Variants in FAM81A observed in about 807,000 individuals in gnomAD.
FAM81A encodes the protein protein FAM81A.
Under a neutral mutation model 46.7 loss-of-function variants are expected in FAM81A, and 19 were observed. That is an observed-to-expected ratio of 0.41 (90% CI 0.28 to 0.60). FAM81A has a LOEUF of 0.60. FAM81A is among the 20% of genes least tolerant of loss of function. FAM81A has a pLI of 0.34. For synonymous variants in FAM81A, 183 were observed against 152.9 expected, an observed-to-expected ratio of 1.20 and a Z score of -1.45; for missense variants, 377 against 453.5, an observed-to-expected ratio of 0.83 and a Z score of 1.53.
At chr15:59,462,713 C>G (rs181897123) in intron 3 of FAM81A, among the ~76,000 whole-genome samples, 94 of 152,270 alleles carry the variant, frequency 6.2e-4, no homozygotes, top group African/African-American at 2.1e-3. Flanking sequence ...TATTTTCTGT[C>G]CTTATGAATT....
At chr15:59,447,851 T>C (rs1278403196) in intron 1 of FAM81A, among the ~76,000 whole-genome samples, 17 of 152,028 alleles carry the variant, frequency 1.1e-4, no homozygotes, top group Non-Finnish European at 2.1e-4. Context: ...CATCTAGGCA[T>C]GAAGGGAGGA....
At chr15:59,430,359 G>C (rs1596467245) in intron 2 of FAM81A, among the ~76,000 whole-genome samples, 1 of 150,478 alleles carries the variant, frequency 6.6e-6, no homozygotes, top group East Asian at 1.9e-4. Context: ...CCGCCTCCCG[G>C]GTTCAAGCAA....
At chr15:59,506,466 A>G (rs2082150292) in intron 4 of FAM81A, among the ~76,000 whole-genome samples, 1 of 152,254 alleles carries the variant, frequency 6.6e-6, no homozygotes, top group African/African-American at 2.4e-5. Flanking sequence ...TGTGGTATTC[A>G]TGATGGATTG....
upstream of FAM81A, among the ~76,000 whole-genome samples, chr15:59,435,280 C>T (rs1157743767): frequency 1.3e-5 from 2 of 151,570 alleles, no homozygotes; most frequent in Admixed American, 6.6e-5. Flanking sequence ...AGCAAGACTC[C>T]GTCTCAAACA....
rs1314618903 is a variant in FAM81A at position 59,514,362 on chromosome 15, C to T, written c.724C>T (p.Arg242Trp). The T allele has an allele frequency of 3.7e-6, 6 of 1,613,180 alleles. No individual in the cohort carries two copies. The highest frequency in any genetic ancestry group is 2.2e-5 in the East Asian group (1 of 44,850). ...GAGTTGGTTGCAACAGGAACAAGAACGGATAGAAAAAGAGCTTTTACAGAA... is the reference window on the plus strand; with the variant it reads ...GAGTTGGTTGCAACAGGAACAAGAATGGATAGAAAAAGAGCTTTTACAGAA... Reference protein sequence around the residue: ...ARSWLQQEQERIEKELLQKID... With the variant: ...ARSWLQQEQEWIEKELLQKID... The change falls in exon 7 of 9, where the codon CGG becomes TGG. Residue 242 changes from arginine to tryptophan, a missense_variant. Arg to Trp is a moderately radical substitution (Grantham distance 101). Coordinates refer to ENST00000288228, the MANE Select transcript of FAM81A (RefSeq NM_152450.3).
chr15:59,460,290 C>T lies in FAM81A; in HGVS notation c.294+84C>T. On this transcript the variant is annotated intron_variant, in intron 3 of 8. Transcript: ENST00000288228. The surrounding 1 kb of genome is among the most constrained non-coding windows in gnomAD (Gnocchi z 4.4). ...GGAGGTCACCCACATCTAACTCCTACCTCCCAGGCAGTACTGCATTTAGAA... is the reference window on the plus strand; with the variant it reads ...GGAGGTCACCCACATCTAACTCCTATCTCCCAGGCAGTACTGCATTTAGAA... The T allele has an allele frequency of 6.4e-7, 1 of 1,550,602 alleles. No individual in the cohort carries two copies. The highest frequency in any genetic ancestry group is 8.9e-7 in the Non-Finnish European group (1 of 1,124,408).
At chr15:59,503,585 T>C (rs1331417250) in intron 4 of FAM81A, among the ~76,000 whole-genome samples, 1 of 152,092 alleles carries the variant, frequency 6.6e-6, no homozygotes, top group East Asian at 1.9e-4. Context: ...CCACTATTTT[T>C]TTTTTTTGAC....
At chr15:59,449,830 T>A (rs8024880) in intron 1 of FAM81A, among the ~76,000 whole-genome samples, 111,412 of 142,514 alleles carry the variant, frequency 0.78, 43,927 homozygotes, top group African/African-American at 0.87. Flanking sequence ...TATAGTGTTC[T>A]TATCCTTCTT....
chr15:59,501,854 T>G (rs1280096928), intron 4 of FAM81A, among the ~76,000 whole-genome samples: 1 of 152,236 alleles, frequency 6.6e-6, no homozygotes, highest in African/African-American at 2.4e-5. Context: ...CATTGCAAAT[T>G]CTTGTTTAAC....
chr15:59,459,615 A>G (rs1189542856), intron 2 of FAM81A, among the ~76,000 whole-genome samples: 1 of 152,066 alleles, frequency 6.6e-6, no homozygotes, highest in Non-Finnish European at 1.5e-5. Context: ...AGAGCATGTT[A>G]GGAGACTTTG....
chr15:59,476,503 G>T (rs2081770277), intron 3 of FAM81A, among the ~76,000 whole-genome samples: 1 of 152,204 alleles, frequency 6.6e-6, no homozygotes, highest in Non-Finnish European at 1.5e-5. Context: ...TTGGCACCAG[G>T]CACGGTGGCT....
intron 3 of FAM81A, among the ~76,000 whole-genome samples, chr15:59,470,569 C>T (rs780775469): frequency 6.6e-6 from 1 of 152,164 alleles, no homozygotes; most frequent in Non-Finnish European, 1.5e-5. Flanking sequence ...CATTTAAGGT[C>T]TTCTCTACAC....
At position 59,482,224 on chromosome 15, in the gene FAM81A, G is replaced by A. The variant is rs549722519; in HGVS notation, c.295-10047G>A. 3.0e-4 allele frequency among the ~76,000 whole-genome samples: 46 copies of A among 152,220 alleles called. 1 individual carries two copies. The South Asian group carries it at 6.0e-3, about 20-fold the overall frequency. ...TGCTTAGAGATTGAAAAACAACTCAGATGAAATAAGATTGGTTATAGCCTT... is the reference window on the plus strand; with the variant it reads ...TGCTTAGAGATTGAAAAACAACTCAAATGAAATAAGATTGGTTATAGCCTT... On this transcript the variant is annotated intron_variant, in intron 3 of 8. Transcript: ENST00000288228.
intron 6 of FAM81A, among the ~76,000 whole-genome samples, chr15:59,510,074 A>G (rs1368817053): frequency 2.6e-5 from 4 of 152,140 alleles, no homozygotes; most frequent in Non-Finnish European, 2.9e-5. Flanking sequence ...AACTTAGAAA[A>G]CCAAATACAT....
chr15:59,398,635 G>C (rs1399997714), intron 1 of FAM81A, among the ~76,000 whole-genome samples: 1 of 151,832 alleles, frequency 6.6e-6, no homozygotes, highest in Non-Finnish European at 1.5e-5. Context: ...GCACATGCCT[G>C]TAGTCCCAGC....
At chr15:59,404,932 G>T (rs2081087615) in intron 2 of FAM81A, among the ~76,000 whole-genome samples, 1 of 152,156 alleles carries the variant, frequency 6.6e-6, no homozygotes, top group South Asian at 2.1e-4. Flanking sequence ...CTACCACCCT[G>T]CTTCCATCTC....
chr15:59,463,010 TA>T (rs1291570621), intron 3 of FAM81A, among the ~76,000 whole-genome samples: 25 of 152,334 alleles, frequency 1.6e-4, no homozygotes, highest in African/African-American at 5.8e-4. Context: ...TGAACATTTT[TA>T]GTTTTATTGA....
chr15:59,516,126 G>GTTT (rs540042022), intron 7 of FAM81A, among the ~76,000 whole-genome samples: 4 of 136,546 alleles, frequency 2.9e-5, no homozygotes, highest in African/African-American at 5.4e-5. Flanking sequence ...GAATGTAGTG[G>GTTT]TTTTTTTTTT....
At chr15:59,467,912 G>A (rs1360665067) in intron 3 of FAM81A, among the ~76,000 whole-genome samples, 2 of 152,158 alleles carry the variant, frequency 1.3e-5, no homozygotes, top group Non-Finnish European at 2.9e-5. Flanking sequence ...AGAGTTTTTA[G>A]CACGACGGGC....
Sources: allele counts gnomAD v4.1 joint callset (sites outside exome capture counted in the v4.1 genomes callset), GRCh38; gene constraint gnomAD v4.1.1; non-coding constraint Gnocchi (gnomAD v3.1); transcripts MANE v1.5; gene names NCBI Gene and HGNC (gene_info 2026-07-23, HGNC 2026-07-21).